Variants in ELFN1 observed in about 807,000 individuals in gnomAD.
The protein encoded by ELFN1 is extracellular leucine rich repeat and fibronectin type III domain containing 1.
Under a neutral mutation model 7.6 loss-of-function variants are expected in ELFN1, and 6 were observed. That is an observed-to-expected ratio of 0.79 (90% confidence interval 0.43 to 1.56). The LOEUF (loss-of-function observed/expected upper bound fraction) is 1.56, where lower values mean the gene tolerates loss of function less well. Ranked by LOEUF, ELFN1 falls within the 40% of genes most tolerant of loss-of-function variation. The pLI is 0.01. For synonymous variants in ELFN1, 657 were observed against 588.1 expected (o/e 1.12, Z -1.70); for missense variants, 1,169 against 1,232.2 (o/e 0.95, Z 0.77).
intron 3 of ELFN1, among the ~76,000 whole-genome samples, chr7:1,709,687 T>C (rs1178840988): frequency 6.6e-6 from 1 of 152,278 alleles, no homozygotes; most frequent in Non-Finnish European, 1.5e-5. Flanking sequence ...TCACGTAGGT[T>C]AATATTGACT....
intron 3 of ELFN1, among the ~76,000 whole-genome samples, chr7:1,738,148 G>A (rs1045895414): frequency 1.3e-5 from 2 of 152,208 alleles, no homozygotes; most frequent in Non-Finnish European, 2.9e-5. Context: ...CCCTTCACTC[G>A]AGGGGCTTCC....
At chr7:1,679,731 C>T (rs762660791) in intron 1 of ELFN1, among the ~76,000 whole-genome samples, 30 of 152,330 alleles carry the variant, frequency 2.0e-4, no homozygotes, top group Non-Finnish European at 3.4e-4. Flanking sequence ...TGCCATGGTG[C>T]TCAGAATGAG....
chr7:1,714,137 A>C (rs900859465), intron 3 of ELFN1, among the ~76,000 whole-genome samples: 1 of 152,208 alleles, frequency 6.6e-6, no homozygotes, highest in Non-Finnish European at 1.5e-5. Context: ...GTCACAGCCC[A>C]CAGCTCATCG....
intron 3 of ELFN1, among the ~76,000 whole-genome samples, chr7:1,723,404 G>A (rs781556823): frequency 3.3e-5 from 5 of 152,190 alleles, no homozygotes; most frequent in East Asian, 3.9e-4. Flanking sequence ...TGGATATGGC[G>A]TGTGGTACAG....
chr7:1,699,783 A>G (rs1562365267), intron 2 of ELFN1, among the ~76,000 whole-genome samples: 1 of 152,146 alleles, frequency 6.6e-6, no homozygotes, highest in Non-Finnish European at 1.5e-5. Flanking sequence ...TGCTCACTGC[A>G]ACCTCCGCCT....
chr7:1,742,268 CCACGCTTCCTA>C (rs1780644888), intron 3 of ELFN1: 1 of 152,246 alleles, frequency 6.6e-6, no homozygotes, highest in South Asian at 2.1e-4. Context: ...GGCTGAGGCG[CCACGCTTCCTA>C]CACGCTTCCT....
Position 1,744,419 on chromosome 7 carries a change from G to C in ELFN1, c.-178G>C. On this transcript the variant is annotated 5_prime_UTR_variant, in exon 4 of 4. Transcript: ENST00000424383. ...GAAGACGAGAGGCGGCCGGCCGTGA[G>C]GGAGGCGCCCTCCCTCCCCGCGCTT... 1.5e-6 allele frequency: 1 copy of C among 677,240 alleles called. No homozygotes were observed. The highest frequency in any genetic ancestry group is 2.3e-6 in the Non-Finnish European group (1 of 433,056). 42.0% of individuals were successfully genotyped at this position (677,240 alleles called of 1,614,324 possible). A position where few individuals can be genotyped will look rare whatever the true frequency, so the allele number is the denominator to read the frequency against.
intron 3 of ELFN1, among the ~76,000 whole-genome samples, chr7:1,719,317 C>A (rs1319124031): frequency 8.6e-5 from 11 of 128,390 alleles, no homozygotes; most frequent in Admixed American, 8.2e-4. Context: ...ACCAACAGGA[C>A]CCAAGCCACC....
intron 3 of ELFN1, among the ~76,000 whole-genome samples, chr7:1,733,025 C>T (rs531161843): frequency 2.6e-4 from 39 of 152,212 alleles, no homozygotes; most frequent in African/African-American, 8.4e-4. Context: ...CTCAGCCTTC[C>T]GAGTAGCTGG....
intron 2 of ELFN1, among the ~76,000 whole-genome samples, chr7:1,707,236 G>A (rs1030740905): frequency 3.3e-5 from 5 of 152,362 alleles, no homozygotes; most frequent in African/African-American, 1.2e-4. Context: ...GCTTTTGGAT[G>A]GCTTTGCTGG....
chr7:1,680,922 A>G (rs1312225646), intron 1 of ELFN1, among the ~76,000 whole-genome samples: 4 of 151,748 alleles, frequency 2.6e-5, no homozygotes, highest in Non-Finnish European at 5.9e-5. Flanking sequence ...TTGTATTTTT[A>G]GTAAAGACAG....
chr7:1,697,422 A>C lies in ELFN1; in HGVS notation c.-456+9272A>C, dbSNP rs150170595. Among the ~76,000 whole-genome samples the C allele has an allele frequency of 7.1e-3, 1,084 of 152,046 alleles. 11 individuals are homozygous for C. Among genetic ancestry groups the C allele is most frequent in the African/African-American group, 0.025 (1,037 of 41,474 alleles). ...GTGCTGGGAGCACCCTGGGGCCTGC[A>C]CTCCCTGCTCTGTGGGTAGGACTGA... is the stretch of plus-strand genomic sequence containing the variant. On this transcript the variant is annotated intron_variant, in intron 2 of 3. Coordinates refer to ENST00000424383, the MANE Select transcript of ELFN1 (RefSeq NM_001128636.4).
intron 3 of ELFN1, among the ~76,000 whole-genome samples, chr7:1,718,400 C>G (rs1271397228): frequency 1.3e-5 from 2 of 152,196 alleles, no homozygotes; most frequent in Non-Finnish European, 2.9e-5. Flanking sequence ...GTGGGTCACC[C>G]TCAGCGGGCC....
chr7:1,744,483 G>A lies in ELFN1; in HGVS notation c.-114G>A. ...ATGCGGTTTGGGACAGGACACCCCT[G>A]AGAGTGCAGGCACCTCCCCCTCCCG... On this transcript the variant is annotated 5_prime_UTR_variant, in exon 4 of 4. The change abolishes the stop of an existing upstream ORF in the 5' untranslated region. Transcript: ENST00000424383. 4.0e-6 allele frequency: 5 copies of A among 1,243,432 alleles called. No homozygotes were observed. Among genetic ancestry groups the A allele is most frequent in the Non-Finnish European group, 5.4e-6 (5 of 933,594 alleles). The allele number at this position is 1,243,432 out of a possible 1,614,324, so 77.0% of individuals were successfully genotyped here. A position where few individuals can be genotyped will look rare whatever the true frequency, so the allele number is the denominator to read the frequency against.
At chr7:1,719,984 ACCTCTGCAAACCCTCCCCCACCATCT>A (rs1430417669) in intron 3 of ELFN1, among the ~76,000 whole-genome samples, 15 of 128,290 alleles carry the variant, frequency 1.2e-4, no homozygotes, top group Non-Finnish European at 2.4e-4. Flanking sequence ...CCCCACCATC[ACCTCTGCAAACCCTCCCCCACCATCT>A]CCTCTGCAAA....
At chr7:1,743,166 C>G (rs1029980540) in intron 3 of ELFN1, among the ~76,000 whole-genome samples, 36 of 152,182 alleles carry the variant, frequency 2.4e-4, no homozygotes, top group African/African-American at 8.7e-4. Flanking sequence ...TCTGCAGGGT[C>G]CTTCCTGCCT....
intron 3 of ELFN1, among the ~76,000 whole-genome samples, chr7:1,730,879 A>G (rs1352948530): frequency 6.6e-6 from 1 of 152,266 alleles, no homozygotes; most frequent in Admixed American, 6.5e-5. Flanking sequence ...TTTGCTGACA[A>G]AATGATTCAA....
intron 3 of ELFN1, among the ~76,000 whole-genome samples, chr7:1,714,396 C>T (rs1368339885): frequency 6.6e-6 from 1 of 152,224 alleles, no homozygotes; most frequent in Non-Finnish European, 1.5e-5. Context: ...CACCACCCCC[C>T]ACACCACCTC....
At chr7:1,733,538 G>A (rs1583389435) in intron 3 of ELFN1, among the ~76,000 whole-genome samples, 1 of 152,250 alleles carries the variant, frequency 6.6e-6, no homozygotes, top group Non-Finnish European at 1.5e-5. Flanking sequence ...CCTTCCGACT[G>A]TGGAAACATC....
Sources: gnomAD v4.1 joint callset for allele counts (sites outside exome capture counted in the v4.1 genomes callset) on GRCh38, gnomAD v4.1.1 for gene constraint, MANE v1.5 for transcripts, NCBI Gene and HGNC (gene_info 2026-07-23, HGNC 2026-07-21) for gene names.